Variants in ANO10 observed in about 807,000 individuals in gnomAD.
The protein encoded by ANO10 is anoctamin 10.
Under a neutral mutation model 74.7 loss-of-function variants are expected in ANO10, and 77 were observed. The observed-to-expected ratio is 1.03, with a 90% CI of 0.86 to 1.25. The LOEUF is 1.25. Among genes scored for constraint, ANO10 ranks in the 50% most tolerant of loss-of-function variants. The pLI is 0.00. For missense variants in ANO10, 721 were observed against 778.1 expected (o/e 0.93, Z 0.87); for synonymous variants, 279 against 284.9 (o/e 0.98, Z 0.21).
At chr3:43,453,138 GGTTTCA>G (rs1305968467) in intron 11 of ANO10, among the ~76,000 whole-genome samples, 5 of 151,152 alleles carry the variant, frequency 3.3e-5, no homozygotes, top group Non-Finnish European at 7.4e-5. Context: ...AAGCACAAAA[GGTTTCA>G]GTTTTGATGA....
In ANO10 at chr3:43,572,995, CTTT is replaced by C. The variant is rs553687865; in HGVS notation, c.1218+1811_1218+1813del. 1.0e-2 allele frequency among the ~76,000 whole-genome samples: 1,413 copies of C among 141,662 alleles called. 15 individuals are homozygous for C. Among genetic ancestry groups the C allele is most frequent in the African/African-American group, 0.031 (1,192 of 38,798 alleles). The allele number at this position is 141,662 out of a possible 152,430, so 92.9% of individuals were successfully genotyped here. On this transcript the variant is annotated intron_variant, in intron 7 of 12. Coordinates refer to ENST00000292246, the MANE Select transcript of ANO10 (RefSeq NM_018075.5). ...GGAGGAAGAAGACTTTAACCAACGG[CTTT>C]TTTTTTTTTTTACAAGGAAGTTACC...
intron 11 of ANO10, among the ~76,000 whole-genome samples, chr3:43,497,643 T>G (rs927303624): frequency 6.6e-6 from 1 of 152,128 alleles, no homozygotes; most frequent in African/African-American, 2.4e-5. Context: ...CCTAAGTCCC[T>G]GGAGTGAGGG....
At chr3:43,465,694 T>C (rs969086740) in intron 11 of ANO10, among the ~76,000 whole-genome samples, 4 of 152,146 alleles carry the variant, frequency 2.6e-5, no homozygotes, top group Admixed American at 2.0e-4. Flanking sequence ...CACTGTCATA[T>C]ATATGGTTCA....
At chr3:43,649,795 C>T (rs2083767825) in intron 1 of ANO10, among the ~76,000 whole-genome samples, 1 of 152,212 alleles carries the variant, frequency 6.6e-6, no homozygotes, top group African/African-American at 2.4e-5. Context: ...ACCCCCCTTG[C>T]AGGACGTGCG....
intron 8 of ANO10, among the ~76,000 whole-genome samples, chr3:43,562,140 G>A (rs933636832): frequency 6.6e-6 from 1 of 152,070 alleles, no homozygotes; most frequent in Non-Finnish European, 1.5e-5. Flanking sequence ...AGAGGCCAAG[G>A]CGGGCAGATC....
intron 10 of ANO10, among the ~76,000 whole-genome samples, 184 bp from the exon 11 acceptor site, chr3:43,550,032 T>TA (rs1381110126): frequency 6.6e-6 from 1 of 152,204 alleles, no homozygotes; most frequent in African/African-American, 2.4e-5. Flanking sequence ...GCCATACTGT[T>TA]AGGCAGTATT....
chr3:43,562,403 G>A (rs1159790911), intron 8 of ANO10, among the ~76,000 whole-genome samples: 1 of 141,140 alleles, frequency 7.1e-6, no homozygotes, highest in Non-Finnish European at 1.5e-5. Context: ...AGTAAGCCAA[G>A]ATCGCGCCAC....
intron 6 of ANO10, among the ~76,000 whole-genome samples, chr3:43,576,305 C>A (rs1269564930): frequency 1.3e-5 from 2 of 152,090 alleles, no homozygotes; most frequent in African/African-American, 4.8e-5. Flanking sequence ...ATTAGGAGCA[C>A]AAGCTTTGGA....
At chr3:43,526,097 T>C (rs1333818083) in intron 11 of ANO10, among the ~76,000 whole-genome samples, 1 of 152,180 alleles carries the variant, frequency 6.6e-6, no homozygotes, top group Non-Finnish European at 1.5e-5. Flanking sequence ...ATAAAAGCAC[T>C]TGAATGATGA....
At chr3:43,386,648 C>CGTGTGTGTGTGTGTGTGTGTGT (rs36065814) in intron 12 of ANO10, among the ~76,000 whole-genome samples, 1 of 139,892 alleles carries the variant, frequency 7.1e-6, no homozygotes, top group Non-Finnish European at 1.5e-5. Context: ...TAGGTGTGTA[C>CGTGTGTGTGTGTGTGTGTGTGT]GTGTGTGTGT....
chr3:43,668,685 T>A (rs1472553607), intron 1 of ANO10, among the ~76,000 whole-genome samples: 2 of 152,144 alleles, frequency 1.3e-5, no homozygotes, highest in Non-Finnish European at 2.9e-5. Context: ...GAACAGGGCA[T>A]CCTTTCCCCA....
At chr3:43,455,058 G>T (rs2075064505) in intron 11 of ANO10, among the ~76,000 whole-genome samples, 1 of 152,146 alleles carries the variant, frequency 6.6e-6, no homozygotes, top group Non-Finnish European at 1.5e-5. Context: ...TGGGCCATCT[G>T]CAGTGACAGG....
At chr3:43,598,951 G>A (rs1455454652) in intron 3 of ANO10, among the ~76,000 whole-genome samples, 1 of 152,120 alleles carries the variant, frequency 6.6e-6, no homozygotes, top group Non-Finnish European at 1.5e-5. Flanking sequence ...GTACCAATGA[G>A]CAGAAAGCAG....
chr3:43,367,146 CAGTT>C (rs1321934676), intron 12 of ANO10, among the ~76,000 whole-genome samples, 172 bp from the exon 13 acceptor site: 1 of 152,162 alleles, frequency 6.6e-6, no homozygotes, highest in Admixed American at 6.5e-5. Context: ...AGATGGGAGA[CAGTT>C]GGTGTGGTGG....
chr3:43,684,639 T>C (rs1316152599), intron 1 of ANO10, among the ~76,000 whole-genome samples: 22 of 152,204 alleles, frequency 1.4e-4, no homozygotes, highest in Non-Finnish European at 2.9e-5. Flanking sequence ...CACGTATGTT[T>C]ATTGTGGCAC....
intron 1 of ANO10, among the ~76,000 whole-genome samples, chr3:43,681,781 A>C (rs971733331): frequency 6.6e-6 from 1 of 152,242 alleles, no homozygotes; most frequent in African/African-American, 2.4e-5. Flanking sequence ...AAACTCACTC[A>C]AAACCGCTCA....
chr3:43,451,245 G>A (rs2074854086), intron 11 of ANO10, among the ~76,000 whole-genome samples: 1 of 152,124 alleles, frequency 6.6e-6, no homozygotes, highest in Non-Finnish European at 1.5e-5. Context: ...TGCTGCAAGG[G>A]CTACTAGAAG....
chr3:43,541,048 G>A (rs577971953), intron 11 of ANO10, among the ~76,000 whole-genome samples: 1 of 151,970 alleles, frequency 6.6e-6, no homozygotes, highest in Non-Finnish European at 1.5e-5. Context: ...GAAACAAGAG[G>A]AGGAAGAAAA....
In ANO10 at chr3:43,598,550, A is replaced by G. The variant is rs770541130; in HGVS notation, c.454T>C (p.Tyr152His). 5.6e-6 allele frequency: 9 copies of G among 1,613,152 alleles called. No individual in the cohort carries two copies. In the Admixed American group the frequency reaches 8.3e-5, roughly 15 times the overall value. The change falls in exon 4 of 13, where the codon TAT becomes CAT. Residue 152 changes from tyrosine to histidine, a missense_variant. Physicochemically the swap from Tyr to His is moderately conservative, Grantham distance 83. Coordinates refer to ENST00000292246, the MANE Select transcript of ANO10 (RefSeq NM_018075.5). Reference sequence around the variant, plus strand: ...GACTTACACAATGATTTTCCTGGATACAACTTTGCCTGAGGGTAACCAGGG... The same window carrying G: ...GACTTACACAATGATTTTCCTGGATGCAACTTTGCCTGAGGGTAACCAGGG... Reference protein sequence around the residue: ...MIPGYPQAKLYPGKSLLRRLL... With the variant: ...MIPGYPQAKLHPGKSLLRRLL...
Sources: allele counts gnomAD v4.1 joint callset (sites outside exome capture counted in the v4.1 genomes callset), GRCh38; gene constraint gnomAD v4.1.1; transcripts MANE v1.5; gene names NCBI Gene and HGNC (gene_info 2026-07-23, HGNC 2026-07-21).